Variants in CNTN4 observed in about 807,000 individuals in gnomAD.
CNTN4 encodes the protein contactin-4.
In CNTN4, 77 loss-of-function variants were observed where a neutral mutation model predicts 122.5. The ratio of observed to expected loss-of-function variants is 0.63; its 90% CI spans 0.52 to 0.76. CNTN4 has a LOEUF of 0.76. Among genes scored for constraint, CNTN4 ranks in the 30% least tolerant of loss-of-function variants. CNTN4 has a pLI of 0.00. For missense variants in CNTN4, 1,256 were observed against 1,259.1 expected (o/e 1.00, Z 0.04); for synonymous variants, 512 against 447.0 (o/e 1.15, Z -1.83).
chr3:2,974,377 A>C (rs1393770201), intron 13 of CNTN4, among the ~76,000 whole-genome samples: 1 of 152,204 alleles, frequency 6.6e-6, no homozygotes, highest in Non-Finnish European at 1.5e-5. Context: ...TGATCTTTGC[A>C]GCTAACAATG....
chr3:2,307,458 G>A (rs1287406826), intron 2 of CNTN4, among the ~76,000 whole-genome samples: 13 of 151,132 alleles, frequency 8.6e-5, no homozygotes, highest in African/African-American at 3.2e-4. Context: ...AAAATAGCAA[G>A]ACAACCATTC....
At chr3:2,790,443 C>G (rs773363737) in intron 6 of CNTN4, among the ~76,000 whole-genome samples, 5 of 152,198 alleles carry the variant, frequency 3.3e-5, no homozygotes, top group Non-Finnish European at 5.9e-5. Context: ...AGTCGTTTCA[C>G]AAGCTCCTCA....
At chr3:2,124,099 A>G (rs1290601537) in intron 2 of CNTN4, among the ~76,000 whole-genome samples, 1 of 152,174 alleles carries the variant, frequency 6.6e-6, no homozygotes, top group East Asian at 1.9e-4. Flanking sequence ...GAAAAAAATC[A>G]CTTACAATAG....
chr3:2,482,388 A>C (rs2076030244), intron 3 of CNTN4, among the ~76,000 whole-genome samples: 1 of 152,168 alleles, frequency 6.6e-6, no homozygotes, highest in South Asian at 2.1e-4. Flanking sequence ...AAGAGAAAGC[A>C]GATCATAAAA....
chr3:2,768,009 A>C (rs1343366158), intron 6 of CNTN4, among the ~76,000 whole-genome samples: 1 of 152,244 alleles, frequency 6.6e-6, no homozygotes, highest in Non-Finnish European at 1.5e-5. Context: ...TATAAATGTT[A>C]CATTTGGTTG....
At chr3:2,683,534 G>C (rs1472619339) in intron 4 of CNTN4, among the ~76,000 whole-genome samples, 1 of 152,088 alleles carries the variant, frequency 6.6e-6, no homozygotes, top group African/African-American at 2.4e-5. Flanking sequence ...ATTTAGACCA[G>C]TGCCTTACAC....
intron 2 of CNTN4, among the ~76,000 whole-genome samples, chr3:2,257,154 T>A (rs1296950012): frequency 1.3e-5 from 2 of 152,206 alleles, no homozygotes; most frequent in East Asian, 3.9e-4. Context: ...ACCCATCTGA[T>A]CTTTGACTAA....
chr3:2,977,962 G>T (rs1419396652), intron 13 of CNTN4, among the ~76,000 whole-genome samples: 1 of 152,148 alleles, frequency 6.6e-6, no homozygotes, highest in African/African-American at 2.4e-5. Flanking sequence ...GGCAGAGATT[G>T]GAGTGATGCC....
intron 13 of CNTN4, among the ~76,000 whole-genome samples, chr3:2,934,359 A>G (rs2094549998): frequency 1.3e-5 from 2 of 152,228 alleles, no homozygotes; most frequent in Non-Finnish European, 2.9e-5. Context: ...TCTGCCTCCA[A>G]AGTGAAATTG....
intron 3 of CNTN4, among the ~76,000 whole-genome samples, chr3:2,488,206 C>G (rs2076217023): frequency 1.3e-5 from 2 of 152,178 alleles, no homozygotes. Flanking sequence ...AATTAGCAAT[C>G]AAAGTTCATG....
intron 3 of CNTN4, among the ~76,000 whole-genome samples, chr3:2,498,300 G>A (rs2076505345): frequency 6.6e-6 from 1 of 152,122 alleles, no homozygotes; most frequent in Admixed American, 6.5e-5. Context: ...CTGCTGCTAG[G>A]TTGTGTGGTA....
chr3:2,920,626 C>G (rs1411054683), intron 12 of CNTN4, among the ~76,000 whole-genome samples: 1 of 152,010 alleles, frequency 6.6e-6, no homozygotes, highest in Non-Finnish European at 1.5e-5. Flanking sequence ...AGAAAATTTT[C>G]AGCAGAAGAA....
intron 4 of CNTN4, among the ~76,000 whole-genome samples, chr3:2,643,981 C>T (rs1026027948): frequency 2.0e-5 from 3 of 152,290 alleles, no homozygotes; most frequent in Middle Eastern, 3.4e-3. Context: ...TTCCATTTTA[C>T]TCAGATTAAG....
chr3:3,043,534 C>T (rs1700351137), intron 22 of CNTN4, 58 bp from the exon 23 acceptor site: 1 of 1,301,628 alleles, frequency 7.7e-7, no homozygotes, highest in African/African-American at 1.5e-5. Context: ...GGAGATATTC[C>T]TCAGAATCCA....
intron 3 of CNTN4, among the ~76,000 whole-genome samples, chr3:2,414,715 A>C (rs558665341): frequency 1.3e-5 from 2 of 152,250 alleles, no homozygotes; most frequent in Admixed American, 6.5e-5. Context: ...CAAGGAGTTG[A>C]TTTTGTTTTG....
chr3:2,892,429 C>T (rs987622033), intron 10 of CNTN4, among the ~76,000 whole-genome samples: 8 of 152,248 alleles, frequency 5.3e-5, no homozygotes, highest in Non-Finnish European at 1.2e-4. Flanking sequence ...GTTCCTGCTA[C>T]TCTGGAAAGC....
chr3:2,994,571 A>T (rs1350443754), intron 14 of CNTN4, among the ~76,000 whole-genome samples: 2 of 148,792 alleles, frequency 1.3e-5, no homozygotes, highest in Non-Finnish European at 3.0e-5. Flanking sequence ...AAGTTTATTT[A>T]TGTTTAAATC....
At chr3:2,312,706 C>A (rs1159083938) in intron 2 of CNTN4, among the ~76,000 whole-genome samples, 2 of 151,984 alleles carry the variant, frequency 1.3e-5, no homozygotes, top group Non-Finnish European at 2.9e-5. Flanking sequence ...AAGAACACAG[C>A]TTTTGAAAAA....
At chr3:2,438,446 C>T (rs181890618) in intron 3 of CNTN4, among the ~76,000 whole-genome samples, 106 of 152,248 alleles carry the variant, frequency 7.0e-4, no homozygotes, top group African/African-American at 2.2e-3. Context: ...TGCTTGAACC[C>T]GGGAAGTGGA....
Sources: gnomAD v4.1 joint callset for allele counts (sites outside exome capture counted in the v4.1 genomes callset) on GRCh38, gnomAD v4.1.1 for gene constraint, MANE v1.5 for transcripts, NCBI Gene and HGNC (gene_info 2026-07-23, HGNC 2026-07-21) for gene names.